The following ANK2 variants were observed in gnomAD, a reference collection of about 807,000 sequenced individuals.
ANK2 encodes ankyrin 2.
A neutral mutation model predicts 360.5 loss-of-function variants in ANK2; 83 were observed. The ratio of observed to expected loss-of-function variants is 0.23; its 90% confidence interval spans 0.19 to 0.28. The LOEUF (loss-of-function observed/expected upper bound fraction) is 0.28, where lower values mean the gene tolerates loss of function less well. ANK2 is among the 10% of genes least tolerant of loss of function. The pLI is 1.00. For synonymous variants in ANK2, 1,740 were observed against 1,759.5 expected (o/e 0.99, Z 0.28); for missense variants, 4,201 against 4,795.7 (o/e 0.88, Z 3.66).
At chr4:113,180,272 C>T (rs2153233749) in intron 2 of ANK2, among the ~76,000 whole-genome samples, 1 of 152,338 alleles carries the variant, frequency 6.6e-6, no homozygotes, top group South Asian at 2.1e-4. Context: ...TGACCCTCGG[C>T]AGTCAGCTTC....
chr4:113,004,931 A>G (rs997852395), intron 2 of ANK2, among the ~76,000 whole-genome samples: 4 of 152,212 alleles, frequency 2.6e-5, no homozygotes, highest in Admixed American at 6.5e-5. Flanking sequence ...CACGTGGCGC[A>G]TGACTGTATT....
At chr4:113,185,278 G>A (rs184085812) in intron 2 of ANK2, among the ~76,000 whole-genome samples, 65 of 152,282 alleles carry the variant, frequency 4.3e-4, no homozygotes, top group African/African-American at 1.5e-3. Flanking sequence ...AGATCCTTGA[G>A]GAATTGCCAC....
At chr4:113,267,069 A>G (rs570954527) in intron 14 of ANK2, among the ~76,000 whole-genome samples, 2 of 152,170 alleles carry the variant, frequency 1.3e-5, no homozygotes, top group African/African-American at 4.8e-5. Context: ...GTGTCTGTTC[A>G]TATCCTTCGC....
chr4:113,359,962 G>GT (rs1369121734), intron 38 of ANK2, among the ~76,000 whole-genome samples: 3 of 152,168 alleles, frequency 2.0e-5, no homozygotes, highest in African/African-American at 7.2e-5. Context: ...ACTTTGCACA[G>GT]TTTAAGTTGA....
intron 24 of ANK2, among the ~76,000 whole-genome samples, chr4:113,313,466 A>T (rs1046734611): frequency 2.6e-5 from 4 of 152,236 alleles, no homozygotes; most frequent in African/African-American, 9.6e-5. Flanking sequence ...GTCAGGGGAC[A>T]TGAAACAAAC....
chr4:112,851,813 G>C (rs893160845), intron 1 of ANK2, among the ~76,000 whole-genome samples: 3 of 152,144 alleles, frequency 2.0e-5, no homozygotes, highest in African/African-American at 7.2e-5. Context: ...TAGTAGAGAC[G>C]AGGTTTCACC....
chr4:112,728,040 A>G, the ANK2 span, among the ~76,000 whole-genome samples: 1 of 152,004 alleles, frequency 6.6e-6, no homozygotes, highest in African/African-American at 2.4e-5. Context: ...CATGCCTGCA[A>G]TCCCAGAACT....
At chr4:112,787,990 G>T in the ANK2 span, 1 of 680,696 alleles carries the variant, frequency 1.5e-6, no homozygotes, top group Non-Finnish European at 2.6e-6. Flanking sequence ...CATTACAGAG[G>T]ACACATATTA....
intron 2 of ANK2, among the ~76,000 whole-genome samples, chr4:112,928,811 A>G (rs1236350715): frequency 1.3e-5 from 2 of 152,014 alleles, no homozygotes; most frequent in Non-Finnish European, 2.9e-5. Context: ...CCAGAATTGT[A>G]GAAAATACAT....
chr4:113,317,385 T>C (rs1028975849), intron 24 of ANK2: 12 of 380,740 alleles, frequency 3.2e-5, no homozygotes, highest in Non-Finnish European at 6.0e-5. Context: ...ATTTCCTGAG[T>C]GAATTTCTGG....
At chr4:113,224,370 G>A (rs1413055875) in intron 4 of ANK2, among the ~76,000 whole-genome samples, 4 of 152,196 alleles carry the variant, frequency 2.6e-5, no homozygotes, top group Non-Finnish European at 5.9e-5. Context: ...GCCTCTCAGA[G>A]AGAGTAACAC....
At chr4:113,112,658 G>T (rs1343593734) in intron 1 of ANK2, among the ~76,000 whole-genome samples, 3 of 152,152 alleles carry the variant, frequency 2.0e-5, no homozygotes, top group African/African-American at 7.2e-5. Flanking sequence ...CCCGAGGGTA[G>T]CTTTTCATTC....
At chr4:113,019,914 AGT>A in intron 2 of ANK2, among the ~76,000 whole-genome samples, 4 of 152,038 alleles carry the variant, frequency 2.6e-5, no homozygotes, top group Non-Finnish European at 5.9e-5. Context: ...TAACAAACAT[AGT>A]GCAACTGTAT....
At chr4:112,706,221 G>C in the ANK2 span, among the ~76,000 whole-genome samples, 1 of 152,106 alleles carries the variant, frequency 6.6e-6, no homozygotes, top group African/African-American at 2.4e-5. Context: ...TCGTCAGGTG[G>C]GTGCACAAAG....
intron 13 of ANK2, among the ~76,000 whole-genome samples, chr4:113,264,077 T>G (rs1291000333): frequency 2.6e-5 from 4 of 152,340 alleles, no homozygotes; most frequent in African/African-American, 9.6e-5. Flanking sequence ...GTCACTTTAT[T>G]CATCTTTCAG....
At chr4:112,928,634 T>A (rs920019589) in intron 2 of ANK2, among the ~76,000 whole-genome samples, 5 of 152,066 alleles carry the variant, frequency 3.3e-5, no homozygotes, top group African/African-American at 9.6e-5. Context: ...GGTGTCCTTC[T>A]AAGAAGAGGA....
intron 37 of ANK2, among the ~76,000 whole-genome samples, chr4:113,351,729 A>G (rs919064529): frequency 6.6e-6 from 1 of 150,952 alleles, no homozygotes; most frequent in Non-Finnish European, 1.5e-5. Context: ...AAAAAAAAAG[A>G]AAAAAAAATG....
At chr4:112,751,012 C>A in the ANK2 span, among the ~76,000 whole-genome samples, 5 of 152,168 alleles carry the variant, frequency 3.3e-5, no homozygotes, top group African/African-American at 9.7e-5. Flanking sequence ...CAGGCGTGTG[C>A]CACCATGCTC....
intron 14 of ANK2, among the ~76,000 whole-genome samples, chr4:113,266,663 A>G (rs185484436): frequency 5.9e-5 from 9 of 152,326 alleles, no homozygotes; most frequent in Non-Finnish European, 1.0e-4. Context: ...AGATCACCTG[A>G]GGTTGGGAGT....
Sources: allele counts gnomAD v4.1 joint callset (sites outside exome capture counted in the v4.1 genomes callset), GRCh38; gene constraint gnomAD v4.1.1; transcripts MANE v1.5; gene names NCBI Gene and HGNC (gene_info 2026-07-23, HGNC 2026-07-21).